GTF2F2: variants seen among roughly 807,000 people sequenced by gnomAD.
The protein encoded by GTF2F2 is general transcription factor IIF subunit 2, also known as ATP-dependent helicase GTF2F2.
In GTF2F2, 23 loss-of-function variants were observed where a neutral mutation model predicts 42.2. The observed-to-expected ratio is 0.55, with a 90% confidence interval of 0.39 to 0.77. The LOEUF is 0.77. Among genes scored for constraint, GTF2F2 ranks in the 30% least tolerant of loss-of-function variants. The pLI is 0.00. For missense variants in GTF2F2, 261 were observed against 287.2 expected (o/e 0.91, Z 0.66); for synonymous variants, 105 against 100.8 (o/e 1.04, Z -0.25).
At chr13:45,215,211 G>T (rs1025983696) in intron 5 of GTF2F2, among the ~76,000 whole-genome samples, 1 of 152,146 alleles carries the variant, frequency 6.6e-6, no homozygotes, top group Non-Finnish European at 1.5e-5. Flanking sequence ...TAAGTTTAAT[G>T]CAAATATCCC....
In GTF2F2 at chr13:45,194,356, A is replaced by G. The variant is rs200145636; in HGVS notation, c.305-13068A>G. The G allele has an allele frequency of 6.8e-6, 11 of 1,614,222 alleles. No homozygotes were observed. The Admixed American group carries it at 1.5e-4, about 22-fold the overall frequency. On this transcript the variant is annotated intron_variant, in intron 4 of 7. Transcript: ENST00000340473. ...TATGAAATAATGACCATCAGCATCA[A>G]ACGGGCAGAGGATTTTTCCATTTAC... is the stretch of plus-strand genomic sequence containing the variant.
intron 4 of GTF2F2, among the ~76,000 whole-genome samples, chr13:45,161,667 C>T (rs1195276639): frequency 1.3e-5 from 2 of 152,140 alleles, no homozygotes; most frequent in Non-Finnish European, 2.9e-5. Context: ...CATGGTGAAA[C>T]GCCGTCCCTA....
At position 45,120,554 on chromosome 13, in the gene GTF2F2, C is replaced by T; in HGVS notation, c.-102C>T. ...GCAGGTAAGGAACGCCGGCTCTTCG[C>T]CTCTCAGCGCGGCTTGTCCTTTGTT... On this transcript the variant is annotated 5_prime_UTR_variant, in exon 1 of 8. Transcript: ENST00000340473. The T allele has an allele frequency of 7.6e-6, 6 of 789,202 alleles. No homozygotes were observed. Among genetic ancestry groups the T allele is most frequent in the Non-Finnish European group, 1.1e-5 (5 of 471,256 alleles). The allele number at this position is 789,202 out of a possible 1,614,324, so 48.9% of individuals were successfully genotyped here. A position where few individuals can be genotyped will look rare whatever the true frequency, so the allele number is the denominator to read the frequency against.
intron 4 of GTF2F2, among the ~76,000 whole-genome samples, chr13:45,202,846 AG>A (rs1165493844): frequency 2.0e-5 from 3 of 152,062 alleles, no homozygotes; most frequent in Non-Finnish European, 2.9e-5. Context: ...CCAGCACCTC[AG>A]GTGGCTGAGG....
chr13:45,121,319 T>C (rs577761983), intron 1 of GTF2F2, among the ~76,000 whole-genome samples: 7 of 152,352 alleles, frequency 4.6e-5, no homozygotes, highest in African/African-American at 1.7e-4. Context: ...ACAGCAATTT[T>C]GGTTAGCTCA....
rs771533722 is a variant in GTF2F2 at position 45,255,348 on chromosome 13, G to T, written c.486+2378G>T. Among the ~76,000 whole-genome samples, 19 of 152,280 alleles carry T rather than the reference G, an allele frequency of 1.2e-4. 1 individual carries two copies. The highest frequency in any genetic ancestry group is 4.1e-4 in the African/African-American group (17 of 41,570). On this transcript the variant is annotated intron_variant, in intron 6 of 7. Coordinates refer to ENST00000340473, the MANE Select transcript of GTF2F2 (RefSeq NM_004128.3). ...GAGTGGAACAATGAAATTTAAGAAA[G>T]TCAGTGTTAGAGACTGTGTGAACTG...
At chr13:45,223,402 A>G (rs1450844932) in intron 5 of GTF2F2, among the ~76,000 whole-genome samples, 1 of 152,146 alleles carries the variant, frequency 6.6e-6, no homozygotes, top group African/African-American at 2.4e-5. Flanking sequence ...TAATTTATAA[A>G]TCTGTTGTTT....
In GTF2F2 at chr13:45,184,257, G is replaced by A. The variant is rs1330820750; in HGVS notation, c.305-23167G>A. Among the ~76,000 whole-genome samples, 2 of 152,104 alleles carry A rather than the reference G, an allele frequency of 1.3e-5. 1 individual carries two copies. The highest frequency in any genetic ancestry group is 4.8e-5 in the African/African-American group (2 of 41,352). ...ATAGATGATTTCTTCGCAGGAAAGA[G>A]GTAGATAGGGTGTGGCTGTTCCCTT... On this transcript the variant is annotated intron_variant, in intron 4 of 7. Coordinates refer to ENST00000340473, the MANE Select transcript of GTF2F2 (RefSeq NM_004128.3).
chr13:45,166,763 G>A (rs1384953756), intron 4 of GTF2F2, among the ~76,000 whole-genome samples: 2 of 152,320 alleles, frequency 1.3e-5, no homozygotes, highest in Admixed American at 6.5e-5. Context: ...AATATGAATA[G>A]GGACTATATT....
In GTF2F2 at chr13:45,249,871, T is replaced by C. The variant is rs112741783; in HGVS notation, c.387-3000T>C. Among the ~76,000 whole-genome samples the C allele has an allele frequency of 4.3e-3, 651 of 152,218 alleles. 12 individuals are homozygous for C. Among genetic ancestry groups the C allele is most frequent in the African/African-American group, 0.015 (618 of 41,548 alleles). ...TGTTCAGAAACAGGCTGACACTTAC[T>C]TGTGTTTCCCACCCACTCCCATCCC... On this transcript the variant is annotated intron_variant, in intron 5 of 7. Coordinates refer to ENST00000340473, the MANE Select transcript of GTF2F2 (RefSeq NM_004128.3).
At chr13:45,168,890 TC>T (rs1871445159) in intron 4 of GTF2F2, among the ~76,000 whole-genome samples, 1 of 628 alleles carries the variant, frequency 1.6e-3, no homozygotes, top group South Asian at 0.056. Context: ...CTTCCCTCCC[TC>T]CCTCCCTCCC....
intron 1 of GTF2F2, among the ~76,000 whole-genome samples, chr13:45,136,366 C>T (rs1869619639): frequency 6.6e-6 from 1 of 152,206 alleles, no homozygotes; most frequent in African/African-American, 2.4e-5. Context: ...TAATCGTAAG[C>T]CCAGTGGTGT....
chr13:45,199,408 A>G (rs919814192), intron 4 of GTF2F2, among the ~76,000 whole-genome samples: 5 of 152,268 alleles, frequency 3.3e-5, no homozygotes, highest in South Asian at 2.1e-4. Context: ...ACAATTTATA[A>G]GTCATATTAA....
chr13:45,206,693 C>G (rs1254606731), intron 4 of GTF2F2: 1 of 152,162 alleles, frequency 6.6e-6, no homozygotes, highest in East Asian at 1.9e-4. Context: ...GCTTGGTGGC[C>G]AGTAGGCACA....
intron 4 of GTF2F2, among the ~76,000 whole-genome samples, chr13:45,191,224 A>AT (rs1555267736): frequency 0.014 from 1,054 of 75,286 alleles, 25 homozygotes; most frequent in Admixed American, 0.044. Context: ...ACAAAAAAAA[A>AT]ATATATATAT....
Position 45,218,557 on chromosome 13 carries a change from A to G in GTF2F2, c.386+11052A>G, listed in dbSNP as rs142611117. 3.9e-3 allele frequency among the ~76,000 whole-genome samples: 601 copies of G among 152,342 alleles called. 2 individuals carry two copies. Among genetic ancestry groups the G allele is most frequent in the South Asian group, 6.8e-3 (33 of 4,826 alleles). On this transcript the variant is annotated intron_variant, in intron 5 of 7. Coordinates refer to ENST00000340473, the MANE Select transcript of GTF2F2 (RefSeq NM_004128.3). ...GCACCCTCCAGTTTGCTGCAGGCCA[A>G]TGTGTCCTATTTTCTTACCAGTTTA...
intron 4 of GTF2F2, among the ~76,000 whole-genome samples, chr13:45,194,927 G>T (rs934372018): frequency 4.6e-5 from 7 of 152,198 alleles, no homozygotes; most frequent in Admixed American, 6.5e-5. Flanking sequence ...AAATGTGAAT[G>T]TTTAACTATT....
At chr13:45,241,517 G>A (rs1875307647) in intron 5 of GTF2F2, among the ~76,000 whole-genome samples, 1 of 152,122 alleles carries the variant, frequency 6.6e-6, no homozygotes, top group African/African-American at 2.4e-5. Flanking sequence ...TTGAAATGTG[G>A]CTAGTGTCCT....
chr13:45,169,203 G>A (rs1029216668), intron 4 of GTF2F2, among the ~76,000 whole-genome samples: 3 of 152,080 alleles, frequency 2.0e-5, no homozygotes, highest in African/African-American at 7.2e-5. Flanking sequence ...ACCTCAGAAT[G>A]TGACTGTATT....
Sources: allele counts gnomAD v4.1 joint callset (sites outside exome capture counted in the v4.1 genomes callset), GRCh38; gene constraint gnomAD v4.1.1; transcripts MANE v1.5; gene names NCBI Gene and HGNC (gene_info 2026-07-23, HGNC 2026-07-21).